GMDS: variants seen among roughly 807,000 people sequenced by gnomAD.
GMDS encodes the protein GDP-mannose 4,6-dehydratase.
A neutral mutation model predicts 49.9 loss-of-function variants in GMDS; 20 were observed. The observed-to-expected ratio is 0.40, with a 90% CI of 0.28 to 0.58. The LOEUF is 0.58. GMDS is among the 20% of genes least tolerant of loss of function. GMDS has a pLI of 0.42. For missense variants in GMDS, 362 were observed against 481.4 expected, an observed-to-expected ratio of 0.75 and a Z score of 2.32; for synonymous variants, 177 against 178.6, an observed-to-expected ratio of 0.99 and a Z score of 0.07.
intron 6 of GMDS, among the ~76,000 whole-genome samples, chr6:1,949,919 CA>C (rs1409144246): frequency 9.9e-5 from 15 of 152,166 alleles, no homozygotes; most frequent in Non-Finnish European, 2.2e-4. Context: ...CTCTGATGCT[CA>C]TCTACAAAAG....
chr6:2,228,692 G>A (rs1040581440), intron 1 of GMDS, among the ~76,000 whole-genome samples: 9 of 152,142 alleles, frequency 5.9e-5, no homozygotes, highest in African/African-American at 1.7e-4. Context: ...TAGTTCCTGC[G>A]CCATAATGTG....
chr6:2,214,995 G>C (rs1780254235), intron 1 of GMDS, among the ~76,000 whole-genome samples: 1 of 152,180 alleles, frequency 6.6e-6, no homozygotes, highest in African/African-American at 2.4e-5. Context: ...AGTACGTTAA[G>C]ACCAACTGTG....
At chr6:1,955,329 A>G (rs572297731) in intron 6 of GMDS, among the ~76,000 whole-genome samples, 1 of 152,306 alleles carries the variant, frequency 6.6e-6, no homozygotes, top group African/African-American at 2.4e-5. Context: ...ATGATTGCCT[A>G]CTTTTTTATT....
chr6:2,025,357 G>GGTGTGT (rs200096039), intron 4 of GMDS, among the ~76,000 whole-genome samples: 126 of 136,660 alleles, frequency 9.2e-4, no homozygotes, highest in African/African-American at 3.1e-3. Context: ...CTGATGGTGG[G>GGTGTGT]GTGTGTGTGT....
chr6:2,119,543 A>T (rs906130626), intron 2 of GMDS, among the ~76,000 whole-genome samples: 9 of 152,212 alleles, frequency 5.9e-5, no homozygotes, highest in Non-Finnish European at 1.3e-4. Context: ...GAGACAGGTG[A>T]AATACAAACT....
intron 7 of GMDS, among the ~76,000 whole-genome samples, chr6:1,774,574 A>C (rs1207708542): frequency 6.6e-6 from 1 of 152,246 alleles, no homozygotes; most frequent in African/African-American, 2.4e-5. Flanking sequence ...ATGTGCAGAC[A>C]CACAGACAAA....
intron 1 of GMDS, among the ~76,000 whole-genome samples, chr6:2,229,053 G>T (rs1481857863): frequency 1.3e-5 from 2 of 152,106 alleles, no homozygotes; most frequent in African/African-American, 4.8e-5. Flanking sequence ...AGTGGTGGGG[G>T]TCTCCCGTGG....
intron 7 of GMDS, among the ~76,000 whole-genome samples, chr6:1,791,240 G>C (rs1769529995): frequency 6.6e-6 from 1 of 152,200 alleles, no homozygotes; most frequent in African/African-American, 2.4e-5. Flanking sequence ...GTTTGTCTCA[G>C]TTTGCTTGGG....
intron 1 of GMDS, among the ~76,000 whole-genome samples, chr6:2,157,024 C>T (rs1777145424): frequency 6.6e-6 from 1 of 151,956 alleles, no homozygotes; most frequent in African/African-American, 2.4e-5. Context: ...ACTTTTATTC[C>T]TTCATATTCC....
chr6:2,103,568 T>C (rs1774048423), intron 4 of GMDS, among the ~76,000 whole-genome samples: 1 of 152,198 alleles, frequency 6.6e-6, no homozygotes, highest in Admixed American at 6.5e-5. Context: ...ATTTCGTTTA[T>C]AATTAGTAAG....
In GMDS at chr6:1,681,904, C is replaced by T. The variant is rs556545848; in HGVS notation, c.987+44512G>A. ...AGAGACAAGGTCTTGCTATGTTGCC[C>T]AGGCTGGTCTCAATTCTTGGGCTCA... On this transcript the variant is annotated intron_variant, in intron 9 of 10. Coordinates refer to ENST00000380815, the MANE Select transcript of GMDS (RefSeq NM_001500.4). Among the ~76,000 whole-genome samples, 23 of 152,298 alleles carry T rather than the reference C, an allele frequency of 1.5e-4. No homozygotes were observed. In the South Asian group the frequency reaches 3.9e-3, roughly 26 times the overall value.
In GMDS at chr6:1,654,113, T is replaced by C. The variant is rs113668410; in HGVS notation, c.988-29573A>G. On this transcript the variant is annotated intron_variant, in intron 9 of 10. Coordinates refer to ENST00000380815, the MANE Select transcript of GMDS (RefSeq NM_001500.4). ...CAAAAAACCCAGAAAATAATAAGTA[T>C]TGGGGAAGAATATGTAGAAACTGGA... Among the ~76,000 whole-genome samples, 167 of 152,210 alleles carry C rather than the reference T, an allele frequency of 1.1e-3. 1 individual carries two copies. The highest frequency in any genetic ancestry group is 3.9e-3 in the African/African-American group (163 of 41,534).
chr6:2,064,118 T>TA (rs1771378824), intron 4 of GMDS, among the ~76,000 whole-genome samples: 1 of 152,126 alleles, frequency 6.6e-6, no homozygotes, highest in Non-Finnish European at 1.5e-5. Flanking sequence ...AGGCACCCAA[T>TA]AAAACGGCTT....
chr6:2,081,639 G>C (rs2127468612), intron 4 of GMDS, among the ~76,000 whole-genome samples: 1 of 152,202 alleles, frequency 6.6e-6, no homozygotes, highest in South Asian at 2.1e-4. Context: ...AACCCTGAAA[G>C]TCACAGGCCA....
chr6:1,844,502 A>C (rs1230699302), intron 7 of GMDS, among the ~76,000 whole-genome samples: 2 of 152,218 alleles, frequency 1.3e-5, no homozygotes, highest in Non-Finnish European at 2.9e-5. Flanking sequence ...TTCAGACTTA[A>C]TGCTTGGCAT....
At chr6:1,751,596 C>T (rs1474109191) in intron 7 of GMDS, among the ~76,000 whole-genome samples, 3 of 152,182 alleles carry the variant, frequency 2.0e-5, no homozygotes, top group African/African-American at 4.8e-5. Flanking sequence ...CAAGTTCAAG[C>T]GATTCTCTTG....
chr6:1,820,098 T>A (rs1044503915), intron 7 of GMDS, among the ~76,000 whole-genome samples: 2 of 152,056 alleles, frequency 1.3e-5, no homozygotes, highest in Non-Finnish European at 2.9e-5. Flanking sequence ...TTTCTTATAG[T>A]TTATAAATAC....
At chr6:1,896,001 G>T (rs1315549737) in intron 7 of GMDS, among the ~76,000 whole-genome samples, 1 of 152,056 alleles carries the variant, frequency 6.6e-6, no homozygotes. Flanking sequence ...TGACCTCCAG[G>T]AGCACAATCT....
intron 1 of GMDS, among the ~76,000 whole-genome samples, chr6:2,201,040 C>G (rs537877697): frequency 6.0e-3 from 443 of 74,380 alleles, no homozygotes; most frequent in Middle Eastern, 0.028. Context: ...AGGATGAAGA[C>G]AGAGCACCAC....
Sources: allele counts gnomAD v4.1 joint callset (sites outside exome capture counted in the v4.1 genomes callset), GRCh38; gene constraint gnomAD v4.1.1; transcripts MANE v1.5; gene names NCBI Gene and HGNC (gene_info 2026-07-23, HGNC 2026-07-21).